ARHGEF28: variants seen among roughly 807,000 people sequenced by gnomAD.
ARHGEF28 encodes Rho guanine nucleotide exchange factor 28, also known as 190 kDa guanine nucleotide exchange factor.
Under a neutral mutation model 206.6 loss-of-function variants are expected in ARHGEF28, and 152 were observed. The ratio of observed to expected loss-of-function variants is 0.74; its 90% CI spans 0.64 to 0.84. ARHGEF28 has a LOEUF of 0.84. ARHGEF28 is among the 40% of genes least tolerant of loss of function. The probability of loss-of-function intolerance (pLI) is 0.00; values close to 1 mark genes in which losing one functional copy is unlikely to be tolerated. For missense variants in ARHGEF28, 2,028 were observed against 2,073.2 expected, an observed-to-expected ratio of 0.98 and a Z score of 0.42; for synonymous variants, 763 against 776.4, an observed-to-expected ratio of 0.98 and a Z score of 0.29.
chr5:73,923,303 A>G (rs1383992305), intron 35 of ARHGEF28: 3 of 766,156 alleles, frequency 3.9e-6, no homozygotes, highest in Admixed American at 3.3e-5. Context: ...ATCAAATACT[A>G]AATTTGTCTT....
At chr5:73,883,456 G>T (rs1265761891) in intron 23 of ARHGEF28, among the ~76,000 whole-genome samples, 1 of 152,136 alleles carries the variant, frequency 6.6e-6, no homozygotes. Context: ...AGTTGACTTT[G>T]ATTTATGATT....
intron 1 of ARHGEF28, among the ~76,000 whole-genome samples, chr5:73,667,493 C>T (rs1746029767): frequency 6.6e-6 from 1 of 152,148 alleles, no homozygotes; most frequent in South Asian, 2.1e-4. Context: ...GCACTCTGGA[C>T]CTGTGATGAA....
chr5:73,813,634 T>C, intron 9 of ARHGEF28: 1 of 1,535,876 alleles, frequency 6.5e-7, no homozygotes, highest in Non-Finnish European at 8.7e-7. Flanking sequence ...GTGGCCTTCC[T>C]TTCCCAAAAT....
At chr5:73,698,262 A>G (rs552818770) in intron 2 of ARHGEF28, among the ~76,000 whole-genome samples, 98 of 152,320 alleles carry the variant, frequency 6.4e-4, no homozygotes, top group African/African-American at 2.3e-3. Context: ...AACAAATTGT[A>G]GTTAAAATAC....
At chr5:73,920,026 TGGA>T (rs1561195935) in intron 35 of ARHGEF28, among the ~76,000 whole-genome samples, 2 of 152,208 alleles carry the variant, frequency 1.3e-5, no homozygotes, top group Non-Finnish European at 2.9e-5. Flanking sequence ...ATGAAATGAA[TGGA>T]GGAGTCCAGG....
Position 73,887,680 on chromosome 5 carries a change from G to T in ARHGEF28, c.3387+1G>T. 2 of 1,563,596 alleles carry T rather than the reference G, an allele frequency of 1.3e-6. No homozygotes were observed. Among genetic ancestry groups the T allele is most frequent in the Non-Finnish European group, 1.7e-6 (2 of 1,152,772 alleles). ...CCAGAAATACATCTTTGCAGCCGTT[G>T]TAAGTATATGACTGTGTGATGTATT... is the stretch of plus-strand genomic sequence containing the variant. On this transcript the variant is annotated splice_donor_variant, in intron 26 of 35. Coordinates refer to ENST00000513042, the MANE Select transcript of ARHGEF28 (RefSeq NM_001177693.2). LOFTEE classifies it high-confidence loss of function.
chr5:73,782,051 T>C (rs1753878373), intron 7 of ARHGEF28, among the ~76,000 whole-genome samples: 1 of 152,076 alleles, frequency 6.6e-6, no homozygotes, highest in Non-Finnish European at 1.5e-5. Flanking sequence ...TTGATTCTGC[T>C]TTTAACTGGC....
chr5:73,712,792 A>G (rs912398283), intron 2 of ARHGEF28, among the ~76,000 whole-genome samples: 2 of 152,238 alleles, frequency 1.3e-5, no homozygotes, highest in African/African-American at 2.4e-5. Flanking sequence ...TTCCAGGCTC[A>G]TAACCTAGTT....
At chr5:73,752,133 A>G (rs905887553) in intron 3 of ARHGEF28, among the ~76,000 whole-genome samples, 2 of 152,234 alleles carry the variant, frequency 1.3e-5, no homozygotes, top group African/African-American at 2.4e-5. Context: ...TATCATGATC[A>G]TAGTGATTTG....
At chr5:73,801,888 T>C (rs1755154161) in intron 9 of ARHGEF28, among the ~76,000 whole-genome samples, 1 of 152,216 alleles carries the variant, frequency 6.6e-6, no homozygotes, top group Admixed American at 6.5e-5. Flanking sequence ...TTTTATTCTT[T>C]TTGTTCAAGG....
chr5:73,743,641 G>A (rs571503802), intron 2 of ARHGEF28, among the ~76,000 whole-genome samples: 21 of 150,812 alleles, frequency 1.4e-4, no homozygotes, highest in Admixed American at 2.6e-4. Flanking sequence ...AAAGTCAGAC[G>A]CTTTTAAACA....
intron 2 of ARHGEF28, among the ~76,000 whole-genome samples, chr5:73,696,566 T>C (rs1369942159): frequency 6.6e-6 from 1 of 152,238 alleles, no homozygotes. Context: ...TAAGCACCAA[T>C]ACAACAGAGA....
chr5:73,738,234 G>A (rs769847440), intron 2 of ARHGEF28, among the ~76,000 whole-genome samples: 8 of 152,180 alleles, frequency 5.3e-5, no homozygotes, highest in Admixed American at 6.5e-5. Context: ...AGTGGGAAAG[G>A]TATTCGATGG....
Position 73,729,671 on chromosome 5 carries a change from G to A in ARHGEF28, c.34-20166G>A, listed in dbSNP as rs113175795. Among the ~76,000 whole-genome samples, 237 of 152,184 alleles carry A rather than the reference G, an allele frequency of 1.6e-3. 1 individual carries two copies. Among genetic ancestry groups the A allele is most frequent in the African/African-American group, 4.8e-3 (201 of 41,502 alleles). ...TTTAGTCACCGATCACATTTCAGGC[G>A]GGCAGCTTCTTTTGATATTATGGAG... On this transcript the variant is annotated intron_variant, in intron 2 of 35. Transcript: ENST00000513042.
chr5:73,823,634 GA>G (rs1561431578), intron 9 of ARHGEF28, among the ~76,000 whole-genome samples: 1 of 152,194 alleles, frequency 6.6e-6, no homozygotes, highest in African/African-American at 2.4e-5. Flanking sequence ...TGCCAGGGGT[GA>G]ATAGGACAGG....
At chr5:73,637,313 A>T (rs998527406) in intron 1 of ARHGEF28, among the ~76,000 whole-genome samples, 13 of 151,324 alleles carry the variant, frequency 8.6e-5, no homozygotes, top group African/African-American at 2.4e-5. Flanking sequence ...ATCTTTCTCT[A>T]CCTCTCCTCC....
chr5:73,802,438 A>G (rs2112499896), intron 9 of ARHGEF28, among the ~76,000 whole-genome samples: 1 of 152,250 alleles, frequency 6.6e-6, no homozygotes, highest in East Asian at 1.9e-4. Flanking sequence ...TTCATTTTAC[A>G]ACTTTCTGAA....
At chr5:73,658,156 CAATT>C (rs1221785898) in intron 1 of ARHGEF28, among the ~76,000 whole-genome samples, 2 of 149,882 alleles carry the variant, frequency 1.3e-5, no homozygotes, top group East Asian at 2.0e-4. Context: ...AAAAAAAACT[CAATT>C]AACAAATCTT....
At chr5:73,814,106 A>G (rs959321996) in intron 9 of ARHGEF28, among the ~76,000 whole-genome samples, 1 of 152,124 alleles carries the variant, frequency 6.6e-6, no homozygotes, top group Non-Finnish European at 1.5e-5. Context: ...TTTCAAGTGT[A>G]TAGTAATTTA....
Sources: allele counts gnomAD v4.1 joint callset (sites outside exome capture counted in the v4.1 genomes callset), GRCh38; gene constraint gnomAD v4.1.1; transcripts MANE v1.5; gene names NCBI Gene and HGNC (gene_info 2026-07-23, HGNC 2026-07-21).